The following HSD17B4 variants were observed in gnomAD, a reference collection of about 807,000 sequenced individuals.
The protein encoded by HSD17B4 is hydroxysteroid 17-beta dehydrogenase 4, also known as peroxisomal multifunctional enzyme type 2.
In HSD17B4, 70 loss-of-function variants were observed where a neutral mutation model predicts 101.0. The observed-to-expected ratio is 0.69, with a 90% CI of 0.57 to 0.85. The LOEUF is 0.85. Ranked by LOEUF, HSD17B4 falls within the 40% of genes least tolerant of loss-of-function variation. The pLI is 0.00. For synonymous variants in HSD17B4, 347 were observed against 297.1 expected (o/e 1.17, Z -1.73); for missense variants, 984 against 892.4 (o/e 1.10, Z -1.31).
At chr5:119,453,262 G>T (rs1754265110) in intron 1 of HSD17B4, among the ~76,000 whole-genome samples, 2 of 152,200 alleles carry the variant, frequency 1.3e-5, no homozygotes, top group Admixed American at 6.5e-5. Flanking sequence ...GCGCACAGGG[G>T]TCAGGCGTAT....
chr5:119,459,708 G>A (rs914332897), intron 2 of HSD17B4, among the ~76,000 whole-genome samples: 1 of 152,112 alleles, frequency 6.6e-6, no homozygotes, highest in Non-Finnish European at 1.5e-5. Context: ...GAGGCTGAGT[G>A]TGCTGGCTCT....
chr5:119,512,947 G>C (rs1214183255), intron 16 of HSD17B4, among the ~76,000 whole-genome samples: 1 of 152,094 alleles, frequency 6.6e-6, no homozygotes, highest in Admixed American at 6.5e-5. Context: ...AAAATGACTG[G>C]ATTTTACATT....
intron 2 of HSD17B4, among the ~76,000 whole-genome samples, chr5:119,461,178 A>C (rs1755193117): frequency 6.6e-6 from 1 of 152,224 alleles, no homozygotes; most frequent in African/African-American, 2.4e-5. Flanking sequence ...TTCTCTCTCA[A>C]CATTTCAGTA....
intron 8 of HSD17B4, among the ~76,000 whole-genome samples, chr5:119,485,028 A>C (rs1439273106): frequency 6.6e-6 from 1 of 152,194 alleles, no homozygotes; most frequent in Non-Finnish European, 1.5e-5. Context: ...GAAATAAAGC[A>C]TGAAAATGTA....
chr5:119,525,614 T>TG, intron 18 of HSD17B4: 1 of 516,784 alleles, frequency 1.9e-6, no homozygotes, highest in Non-Finnish European at 3.5e-6. Flanking sequence ...ATCATGTACC[T>TG]GTGTGGATGT....
intron 1 of HSD17B4, among the ~76,000 whole-genome samples, chr5:119,455,495 C>T (rs571054867): frequency 7.3e-5 from 11 of 149,696 alleles, no homozygotes; most frequent in South Asian, 2.1e-4. Context: ...CCAGCCTGGG[C>T]GACAGAGTGA....
At chr5:119,477,747 C>T (rs1213709192) in intron 7 of HSD17B4, 8 of 470,298 alleles carry the variant, frequency 1.7e-5, no homozygotes, top group Admixed American at 1.7e-4. Flanking sequence ...TTTCTTGCTG[C>T]TCTCTGGCAA....
At chr5:119,522,943 C>A (rs560083462) in intron 17 of HSD17B4, among the ~76,000 whole-genome samples, 52 of 152,238 alleles carry the variant, frequency 3.4e-4, no homozygotes, top group African/African-American at 1.3e-3. Context: ...TTTCCCTCTT[C>A]CATGCACTGC....
At chr5:119,495,181 G>C (rs1359526824) in intron 11 of HSD17B4, among the ~76,000 whole-genome samples, 1 of 151,834 alleles carries the variant, frequency 6.6e-6, no homozygotes, top group African/African-American at 2.4e-5. Context: ...TTAGACATTT[G>C]AGAAATTTAT....
At position 119,474,455 on chromosome 5, in the gene HSD17B4, G is replaced by T. The variant is rs754108630; in HGVS notation, c.275G>T (p.Arg92Ile). 1 of 1,595,716 alleles carries T rather than the reference G, an allele frequency of 6.3e-7. No individual in the cohort carries two copies. Among genetic ancestry groups the T allele is most frequent in the Non-Finnish European group, 8.6e-7 (1 of 1,163,308 alleles). Residue 92 changes from arginine (R) to isoleucine (I), a missense_variant, in exon 4 of 24, where the codon AGA becomes ATA. Transcript: ENST00000510025. ...VVKTALDAFG[R>I]IDVVVNNAGI... ...AAGACAGCCCTGGATGCTTTTGGAA[G>T]AATAGGTGATGTTTCTTTGTGTTAT...
At position 119,479,150 on chromosome 5, in the gene HSD17B4, G is replaced by A. The variant is rs1381100644; in HGVS notation, c.622+129G>A. ...TTTTTCAATTTCGAAAGCATTATCT[G>A]TAAATTGTGTTCATTGTGGAAAATT... is the stretch of plus-strand genomic sequence containing the variant. On this transcript the variant is annotated intron_variant, in intron 8 of 23. Coordinates refer to ENST00000510025, the MANE Select transcript of HSD17B4 (RefSeq NM_000414.4). 58 of 709,314 alleles carry A rather than the reference G, an allele frequency of 8.2e-5. No homozygotes were observed. In the East Asian group the frequency reaches 1.6e-3, roughly 19 times the overall value. 43.9% of individuals were successfully genotyped at this position (709,314 alleles called of 1,614,324 possible).
chr5:119,531,579 G>T lies in HSD17B4; in HGVS notation c.1993+175G>T, dbSNP rs1030297518. The stretch of plus-strand genomic sequence containing the variant: ...AATGTCCAAAGGGGGGTGTGTGTGT[G>T]TGTGTGTGTGTGTGTGTTTGTGTGT... On this transcript the variant is annotated intron_variant, in intron 22 of 23. Transcript: ENST00000510025. 4.6e-5 allele frequency among the ~76,000 whole-genome samples: 7 copies of T among 151,574 alleles called. No homozygotes were observed. The East Asian group carries it at 1.4e-3, about 29-fold the overall frequency.
intron 8 of HSD17B4, among the ~76,000 whole-genome samples, chr5:119,487,791 T>A (rs1749738833): frequency 6.6e-6 from 1 of 152,142 alleles, no homozygotes; most frequent in African/African-American, 2.4e-5. Context: ...TCAATTGATG[T>A]ATGGGAAATT....
intron 8 of HSD17B4, among the ~76,000 whole-genome samples, chr5:119,480,952 G>T (rs1749073433): frequency 6.6e-6 from 1 of 152,168 alleles, no homozygotes; most frequent in Non-Finnish European, 1.5e-5. Context: ...AGCGGTCAGA[G>T]TTTAAGGTTA....
chr5:119,532,508 C>G (rs1341556024), intron 22 of HSD17B4, among the ~76,000 whole-genome samples: 1 of 151,998 alleles, frequency 6.6e-6, no homozygotes, highest in African/African-American at 2.4e-5. Flanking sequence ...GCTTTACCTT[C>G]TATTAAAATA....
intron 10 of HSD17B4, chr5:119,493,128 C>G (rs1750270784): frequency 6.6e-6 from 1 of 152,260 alleles, no homozygotes; most frequent in Non-Finnish European, 1.5e-5. Context: ...GCATTTCTGT[C>G]ATTCCCAAAG....
intron 2 of HSD17B4, chr5:119,471,638 T>C (rs1373435837): frequency 7.4e-7 from 1 of 1,347,982 alleles, no homozygotes; most frequent in Admixed American, 2.7e-5. Flanking sequence ...TGTTACAGCT[T>C]TCAAAATCTA....
Position 119,507,641 on chromosome 5 carries a change from G to A in HSD17B4, c.1333+752G>A, listed in dbSNP as rs374655495. Among the ~76,000 whole-genome samples, 12 of 151,884 alleles carry A rather than the reference G, an allele frequency of 7.9e-5. No individual in the cohort carries two copies. The East Asian group carries it at 1.4e-3, about 17-fold the overall frequency. ...TACTTAAAATACAAAAAAAAAAGCC[G>A]GGCATGGTGGCGGGCGCCTGTAGTC... On this transcript the variant is annotated intron_variant, in intron 15 of 23. Transcript: ENST00000510025.
chr5:119,522,092 C>G (rs191742826), intron 17 of HSD17B4, among the ~76,000 whole-genome samples: 4 of 152,168 alleles, frequency 2.6e-5, no homozygotes, highest in African/African-American at 4.8e-5. Context: ...CCTCCTCCCC[C>G]ACCCCACAAC....
Sources: gnomAD v4.1 joint callset for allele counts (sites outside exome capture counted in the v4.1 genomes callset) on GRCh38, gnomAD v4.1.1 for gene constraint, MANE v1.5 for transcripts, NCBI Gene and HGNC (gene_info 2026-07-23, HGNC 2026-07-21) for gene names.